Variants in GRIK1 observed in about 807,000 individuals in gnomAD.
GRIK1 encodes the protein glutamate ionotropic receptor kainate type subunit 1.
Under a neutral mutation model 105.7 loss-of-function variants are expected in GRIK1, and 69 were observed. The ratio of observed to expected loss-of-function variants is 0.65; its 90% CI spans 0.54 to 0.80. The LOEUF is 0.80. GRIK1 is among the 30% of genes least tolerant of loss of function. The pLI, the probability that GRIK1 is intolerant of heterozygous loss-of-function variation, is 0.00. For synonymous variants in GRIK1, 438 were observed against 431.3 expected (o/e 1.02, Z -0.19); for missense variants, 1,109 against 1,167.3 (o/e 0.95, Z 0.73).
At chr21:29,694,117 ATTTTTTTTTTTTT>A in intron 1 of GRIK1, 54 bp from the exon 2 acceptor site, 3 of 435,188 alleles carry the variant, frequency 6.9e-6, no homozygotes, top group South Asian at 2.6e-5. Flanking sequence ...TTCACATGTA[ATTTTTTTTTTTTT>A]TTTTTTTTTT....
intron 1 of GRIK1, among the ~76,000 whole-genome samples, chr21:29,762,924 G>A (rs2065563644): frequency 1.3e-5 from 2 of 152,206 alleles, no homozygotes; most frequent in East Asian, 3.9e-4. Flanking sequence ...CTAAGATTCT[G>A]ATTAATGAGA....
chr21:29,800,348 T>C lies in GRIK1; in HGVS notation c.119-106285A>G, dbSNP rs191811198. ...AAAGGAAAACAACTTTTCTCCACCATGTGTATGCATTCTTACAAACCCATA... is the reference window on the plus strand; with the variant it reads ...AAAGGAAAACAACTTTTCTCCACCACGTGTATGCATTCTTACAAACCCATA... On this transcript the variant is annotated intron_variant, in intron 1 of 17. Coordinates refer to ENST00000327783, the MANE Select transcript of GRIK1 (RefSeq NM_001330994.2). Among the ~76,000 whole-genome samples, 4 of 152,322 alleles carry C rather than the reference T, an allele frequency of 2.6e-5. No individual in the cohort carries two copies. In the East Asian group the frequency reaches 7.7e-4, roughly 29 times the overall value.
intron 1 of GRIK1, among the ~76,000 whole-genome samples, chr21:29,742,672 T>G (rs1055030195): frequency 6.6e-6 from 1 of 152,254 alleles, no homozygotes; most frequent in Non-Finnish European, 1.5e-5. Context: ...TTTTTGAAAT[T>G]GTACTTGGAT....
intron 1 of GRIK1, among the ~76,000 whole-genome samples, chr21:29,920,587 T>C (rs1245097459): frequency 6.6e-6 from 1 of 152,086 alleles, no homozygotes; most frequent in African/African-American, 2.4e-5. Flanking sequence ...TAGAATTAAA[T>C]ATTTATTTGT....
rs1421080355 is a variant in GRIK1, at chr21:29,701,627, TA to T, written c.119-7565del. On this transcript the variant is annotated intron_variant, in intron 1 of 17. Transcript: ENST00000327783. ...AGCAGAGGAGTGAAATGATATGACA[TA>T]TTTCAAGAGAATCAAGCTGACTTTT... 3.3e-5 allele frequency among the ~76,000 whole-genome samples: 5 copies of T among 152,226 alleles called. 1 individual carries two copies. The highest frequency in any genetic ancestry group is 1.2e-4 in the African/African-American group (5 of 41,530).
At chr21:29,592,258 C>G (rs2061344273) in intron 9 of GRIK1, among the ~76,000 whole-genome samples, 1 of 152,192 alleles carries the variant, frequency 6.6e-6, no homozygotes, top group African/African-American at 2.4e-5. Flanking sequence ...CCTGTCTTGT[C>G]TGTCCACTTG....
At chr21:29,622,425 T>A (rs760120969) in intron 7 of GRIK1, among the ~76,000 whole-genome samples, 10 of 152,228 alleles carry the variant, frequency 6.6e-5, no homozygotes, top group Non-Finnish European at 1.3e-4. Flanking sequence ...GTGTTTCTTC[T>A]CCTACCTATA....
chr21:29,725,458 T>C (rs937028067), intron 1 of GRIK1, among the ~76,000 whole-genome samples: 2 of 152,202 alleles, frequency 1.3e-5, no homozygotes, highest in Non-Finnish European at 2.9e-5. Context: ...ATATACATTA[T>C]TTAAATACAA....
chr21:29,920,033 C>T (rs1283135631), intron 1 of GRIK1, among the ~76,000 whole-genome samples: 1 of 152,036 alleles, frequency 6.6e-6, no homozygotes, highest in Non-Finnish European at 1.5e-5. Context: ...CTCCCTGAGG[C>T]AGAATAGAAG....
At chr21:29,650,680 C>T (rs911558993) in intron 6 of GRIK1, among the ~76,000 whole-genome samples, 3 of 152,260 alleles carry the variant, frequency 2.0e-5, no homozygotes, top group East Asian at 1.9e-4. Context: ...CTGAATACAC[C>T]GACTGTTTGT....
At chr21:29,816,902 T>A (rs2067169079) in intron 1 of GRIK1, among the ~76,000 whole-genome samples, 1 of 152,134 alleles carries the variant, frequency 6.6e-6, no homozygotes, top group Non-Finnish European at 1.5e-5. Context: ...TTAACAACAA[T>A]GTACTGTATA....
chr21:29,623,785 A>G (rs1189385822), intron 7 of GRIK1, among the ~76,000 whole-genome samples: 1 of 152,234 alleles, frequency 6.6e-6, no homozygotes, highest in Non-Finnish European at 1.5e-5. Context: ...GTTTGACCCT[A>G]TATAAGAGTC....
intron 4 of GRIK1, among the ~76,000 whole-genome samples, chr21:29,670,500 T>C (rs963811771): frequency 1.4e-4 from 21 of 152,218 alleles, no homozygotes; most frequent in African/African-American, 5.1e-4. Context: ...TTTAGTGAAA[T>C]AGAAGAGAAA....
intron 1 of GRIK1, among the ~76,000 whole-genome samples, chr21:29,764,514 C>G (rs2065609094): frequency 6.6e-6 from 1 of 152,172 alleles, no homozygotes; most frequent in Non-Finnish European, 1.5e-5. Context: ...CTCAGACTCT[C>G]CTATTTCCCC....
intron 1 of GRIK1, among the ~76,000 whole-genome samples, chr21:29,925,733 C>A (rs1391146573): frequency 6.6e-6 from 1 of 152,196 alleles, no homozygotes; most frequent in East Asian, 1.9e-4. Context: ...CATTCCACCT[C>A]ACTTTTTGCA....
At chr21:29,575,413 C>T (rs2090866271) in intron 14 of GRIK1, among the ~76,000 whole-genome samples, 1 of 151,792 alleles carries the variant, frequency 6.6e-6, no homozygotes, top group Non-Finnish European at 1.5e-5. Context: ...CTATATCCAT[C>T]TAACAAAATG....
At chr21:29,795,454 A>T (rs2066530908) in intron 1 of GRIK1, among the ~76,000 whole-genome samples, 1 of 152,084 alleles carries the variant, frequency 6.6e-6, no homozygotes, top group Non-Finnish European at 1.5e-5. Context: ...CAGGTTCCTG[A>T]TCTCCCAGCA....
intron 16 of GRIK1, among the ~76,000 whole-genome samples, chr21:29,545,832 A>G (rs1050574392): frequency 1.3e-5 from 2 of 151,898 alleles, no homozygotes; most frequent in East Asian, 3.9e-4. Context: ...ATACTATTTA[A>G]AAAAATAGAA....
chr21:29,600,238 A>T (rs2061494363), intron 7 of GRIK1, among the ~76,000 whole-genome samples: 1 of 152,242 alleles, frequency 6.6e-6, no homozygotes, highest in Non-Finnish European at 1.5e-5. Flanking sequence ...ATATAAATTA[A>T]CATTTACAGG....
Sources: allele counts gnomAD v4.1 joint callset (sites outside exome capture counted in the v4.1 genomes callset), GRCh38; gene constraint gnomAD v4.1.1; transcripts MANE v1.5; gene names NCBI Gene and HGNC (gene_info 2026-07-23, HGNC 2026-07-21).